The following FBXL7 variants were observed in gnomAD, a reference collection of about 807,000 sequenced individuals.
FBXL7 encodes the protein F-box/LRR-repeat protein 7.
Under a neutral mutation model 38.3 loss-of-function variants are expected in FBXL7, and 12 were observed. The ratio of observed to expected loss-of-function variants is 0.31; its 90% confidence interval spans 0.20 to 0.51. The LOEUF is 0.51. Ranked by LOEUF, FBXL7 falls within the 20% of genes least tolerant of loss-of-function variation. The pLI is 0.98. For synonymous variants in FBXL7, 297 were observed against 300.9 expected, an observed-to-expected ratio of 0.99 and a Z score of 0.13; for missense variants, 567 against 676.4, an observed-to-expected ratio of 0.84 and a Z score of 1.79.
chr5:15,777,209 G>A lies in FBXL7; in HGVS notation c.128-150681G>A, dbSNP rs1038768221. Among the ~76,000 whole-genome samples, 62 of 152,012 alleles carry A rather than the reference G, an allele frequency of 4.1e-4. 1 individual carries two copies. The highest frequency in any genetic ancestry group is 3.2e-3 in the Admixed American group (48 of 15,238). On this transcript the variant is annotated intron_variant, in intron 2 of 3. Transcript: ENST00000504595. ...CTGAAAGTCACACATTGTTAGTAGTGGAACTAGGGGCAAACCCCCACCTTG... is the reference window on the plus strand; with the variant it reads ...CTGAAAGTCACACATTGTTAGTAGTAGAACTAGGGGCAAACCCCCACCTTG...
intron 2 of FBXL7, among the ~76,000 whole-genome samples, chr5:15,758,372 A>G (rs551809497): frequency 2.0e-5 from 3 of 151,576 alleles, no homozygotes; most frequent in East Asian, 3.9e-4. Flanking sequence ...ATATGGGTAT[A>G]TTGCCTGATG....
intron 2 of FBXL7, among the ~76,000 whole-genome samples, chr5:15,781,094 G>C (rs1457695205): frequency 6.6e-6 from 1 of 152,096 alleles, no homozygotes; most frequent in Non-Finnish European, 1.5e-5. Context: ...CTCTCTTCCC[G>C]GTACCACAAT....
chr5:15,835,028 G>T (rs1371061119), intron 2 of FBXL7, among the ~76,000 whole-genome samples: 1 of 152,158 alleles, frequency 6.6e-6, no homozygotes, highest in Admixed American at 6.5e-5. Context: ...GTAAACTACA[G>T]TTTCATATTT....
chr5:15,837,270 G>A (rs746859335), intron 2 of FBXL7, among the ~76,000 whole-genome samples: 18 of 152,164 alleles, frequency 1.2e-4, no homozygotes, highest in Non-Finnish European at 2.5e-4. Flanking sequence ...CTTTCATAAA[G>A]CAGGTAAATA....
At chr5:15,768,649 G>A (rs190715282) in intron 2 of FBXL7, among the ~76,000 whole-genome samples, 1 of 152,182 alleles carries the variant, frequency 6.6e-6, no homozygotes, top group Non-Finnish European at 1.5e-5. Context: ...TTGAGTGGGG[G>A]TGAACTGCCT....
chr5:15,684,647 A>G (rs1369293679), intron 2 of FBXL7, among the ~76,000 whole-genome samples: 2 of 152,194 alleles, frequency 1.3e-5, no homozygotes, highest in African/African-American at 4.8e-5. Context: ...TATAAGAGCA[A>G]AGGAGAAGAG....
At chr5:15,749,437 T>C (rs1317003499) in intron 2 of FBXL7, among the ~76,000 whole-genome samples, 4 of 151,772 alleles carry the variant, frequency 2.6e-5, no homozygotes, top group Non-Finnish European at 4.4e-5. Flanking sequence ...CAATTCTGGC[T>C]AACACGGTGA....
chr5:15,634,635 C>A (rs1385142389), intron 2 of FBXL7, among the ~76,000 whole-genome samples: 2 of 152,116 alleles, frequency 1.3e-5, no homozygotes. Context: ...GCATCAGTTT[C>A]CTGATGCTAC....
chr5:15,699,951 G>C (rs1743469921), intron 2 of FBXL7, among the ~76,000 whole-genome samples: 2 of 152,178 alleles, frequency 1.3e-5, no homozygotes, highest in Non-Finnish European at 2.9e-5. Context: ...AATGCACTTT[G>C]ACCATATGTT....
chr5:15,896,945 C>T (rs1383566777), intron 2 of FBXL7, among the ~76,000 whole-genome samples: 1 of 152,050 alleles, frequency 6.6e-6, no homozygotes, highest in African/African-American at 2.4e-5. Flanking sequence ...ATCAGTTTGG[C>T]CAACATGGCA....
rs753935096 is a variant in FBXL7 at position 15,927,764 on chromosome 5, TAAAAAAAAAA to T, written c.128-112_128-103del. 3.0e-4 allele frequency: 135 copies of T among 456,734 alleles called. 1 individual carries two copies. Among genetic ancestry groups the T allele is most frequent in the African/African-American group, 6.2e-4 (17 of 27,418 alleles). 28.3% of individuals were successfully genotyped at this position (456,734 alleles called of 1,614,324 possible). On this transcript the variant is annotated intron_variant, in intron 2 of 3. Coordinates refer to ENST00000504595, the MANE Select transcript of FBXL7 (RefSeq NM_012304.5). ...CACTCCCGCCTGGGCGACAAGATCT[TAAAAAAAAAA>T]AAAAAAAAAAAAAGAAGAAGAAAGA...
At chr5:15,614,144 G>C (rs1740359305) in intron 1 of FBXL7, among the ~76,000 whole-genome samples, 2 of 152,216 alleles carry the variant, frequency 1.3e-5, no homozygotes, top group African/African-American at 4.8e-5. Context: ...AGAAAAGACT[G>C]TTGGAAAATG....
intron 2 of FBXL7, among the ~76,000 whole-genome samples, chr5:15,742,921 G>A (rs558342546): frequency 1.1e-4 from 16 of 152,106 alleles, no homozygotes; most frequent in Non-Finnish European, 1.8e-4. Flanking sequence ...AGAGTGAAGC[G>A]AGGGAAAAAC....
intron 2 of FBXL7, among the ~76,000 whole-genome samples, chr5:15,838,504 T>C (rs1275743444): frequency 6.6e-6 from 1 of 152,210 alleles, no homozygotes; most frequent in African/African-American, 2.4e-5. Context: ...ATAAGAATTT[T>C]TGTGGTAACA....
At chr5:15,766,038 G>C (rs898221738) in intron 2 of FBXL7, among the ~76,000 whole-genome samples, 3 of 126,226 alleles carry the variant, frequency 2.4e-5, no homozygotes, top group Admixed American at 1.7e-4. Context: ...CTGTCTGTCT[G>C]TCTATCTACC....
chr5:15,864,788 C>T (rs1216628711), intron 2 of FBXL7, among the ~76,000 whole-genome samples: 1 of 152,138 alleles, frequency 6.6e-6, no homozygotes. Context: ...TCAGTAGATT[C>T]TAATTTCTAT....
intron 2 of FBXL7, among the ~76,000 whole-genome samples, chr5:15,845,047 G>A (rs1236733835): frequency 6.6e-6 from 1 of 152,188 alleles, no homozygotes; most frequent in African/African-American, 2.4e-5. Flanking sequence ...TCTGTGCTGT[G>A]CTTCCAGACA....
intron 1 of FBXL7, among the ~76,000 whole-genome samples, chr5:15,561,752 C>T (rs1738421436): frequency 6.6e-6 from 1 of 152,088 alleles, no homozygotes; most frequent in Non-Finnish European, 1.5e-5. Flanking sequence ...GCCATCCTAA[C>T]AGGCATGAGA....
intron 2 of FBXL7, among the ~76,000 whole-genome samples, chr5:15,820,190 G>T (rs747170843): frequency 4.6e-5 from 7 of 152,120 alleles, no homozygotes; most frequent in Non-Finnish European, 1.0e-4. Context: ...GACTGCCCAG[G>T]CCTCTTGTGG....
Sources: allele counts gnomAD v4.1 joint callset (sites outside exome capture counted in the v4.1 genomes callset), GRCh38; gene constraint gnomAD v4.1.1; transcripts MANE v1.5; gene names NCBI Gene and HGNC (gene_info 2026-07-23, HGNC 2026-07-21).